Variants in NCKAP5 observed in about 807,000 individuals in gnomAD.
NCKAP5 encodes nck-associated protein 5.
NCKAP5 carries 92 observed loss-of-function variants against 167.0 expected under a neutral mutation model. That is an observed-to-expected ratio of 0.55 (90% CI 0.47 to 0.66). The LOEUF (loss-of-function observed/expected upper bound fraction) is 0.66, where lower values mean the gene tolerates loss of function less well. Ranked by LOEUF, NCKAP5 falls within the 30% of genes least tolerant of loss-of-function variation. NCKAP5 has a pLI of 0.00. For missense variants in NCKAP5, 2,378 were observed against 2,315.0 expected (o/e 1.03, Z -0.56); for synonymous variants, 891 against 877.4 (o/e 1.02, Z -0.27).
chr2:133,447,774 C>T (rs898762141), intron 3 of NCKAP5, among the ~76,000 whole-genome samples: 3 of 152,164 alleles, frequency 2.0e-5, no homozygotes, highest in African/African-American at 7.2e-5. Context: ...GTGTAAGCCA[C>T]TGTGCCCAGC....
rs190761797 is a variant in NCKAP5, at chr2:132,741,557, T to C, written c.5129-9506A>G. The stretch of plus-strand genomic sequence containing the variant: ...AGTTCAAAGTCCTTGTTTATAAGAG[T>C]AGGACACAGAACTCTCCCAACTCCT... On this transcript the variant is annotated intron_variant, in intron 16 of 19. Transcript: ENST00000409261. Among the ~76,000 whole-genome samples the C allele has an allele frequency of 3.3e-5, 5 of 152,102 alleles. No homozygotes were observed. The East Asian group carries it at 9.7e-4, about 29-fold the overall frequency.
intron 10 of NCKAP5, among the ~76,000 whole-genome samples, chr2:132,864,373 G>T (rs912218651): frequency 6.6e-6 from 1 of 151,756 alleles, no homozygotes; most frequent in African/African-American, 2.4e-5. Flanking sequence ...AGGTACAGTG[G>T]TGTTTGGGTT....
At chr2:133,570,511 C>T (rs1227740283), upstream of NCKAP5, among the ~76,000 whole-genome samples, 1 of 152,102 alleles carries the variant, frequency 6.6e-6, no homozygotes, top group African/African-American at 2.4e-5. Context: ...GACACAAGCA[C>T]TAGTTTTCAT....
At chr2:133,019,770 T>C (rs1316115636) in intron 6 of NCKAP5, among the ~76,000 whole-genome samples, 1 of 152,236 alleles carries the variant, frequency 6.6e-6, no homozygotes, top group Non-Finnish European at 1.5e-5. Flanking sequence ...CAGCTAACTA[T>C]AGATAAAAAT....
chr2:133,291,873 C>G (rs1381158366), intron 4 of NCKAP5, among the ~76,000 whole-genome samples: 2 of 152,198 alleles, frequency 1.3e-5, no homozygotes, highest in Non-Finnish European at 2.9e-5. Flanking sequence ...ACCTTGCCAT[C>G]CTTAGCTCTT....
At chr2:132,923,665 C>T (rs1026969611) in intron 8 of NCKAP5, among the ~76,000 whole-genome samples, 1 of 152,022 alleles carries the variant, frequency 6.6e-6, no homozygotes, top group African/African-American at 2.4e-5. Flanking sequence ...ACGAATTGGA[C>T]GCTAAGGATT....
At chr2:132,926,843 T>A (rs1695937802) in intron 8 of NCKAP5, among the ~76,000 whole-genome samples, 1 of 152,280 alleles carries the variant, frequency 6.6e-6, no homozygotes, top group East Asian at 1.9e-4. Context: ...CACTCGTTTA[T>A]TTCCTTTGCT....
At chr2:133,546,446 C>T (rs542056925) in intron 2 of NCKAP5, among the ~76,000 whole-genome samples, 6 of 152,238 alleles carry the variant, frequency 3.9e-5, no homozygotes, top group Non-Finnish European at 7.4e-5. Flanking sequence ...ATAAACCTGC[C>T]GTCCTGCTCA....
chr2:133,302,750 G>C (rs1229733686), intron 4 of NCKAP5, among the ~76,000 whole-genome samples: 1 of 147,976 alleles, frequency 6.8e-6, no homozygotes, highest in Non-Finnish European at 1.5e-5. Flanking sequence ...CCTGCACAAT[G>C]TGCACATGTA....
At position 133,139,408 on chromosome 2, in the gene NCKAP5, G is replaced by A. The variant is rs188001119; in HGVS notation, c.208-9297C>T. 2.6e-5 allele frequency among the ~76,000 whole-genome samples: 4 copies of A among 152,344 alleles called. No homozygotes were observed. In the East Asian group the frequency reaches 7.7e-4, roughly 29 times the overall value. ...TAAGTTTCACTTAATACTGATGAAA[G>A]TGACTGGCATCCTTGTTTTGGATAA... On this transcript the variant is annotated intron_variant, in intron 5 of 19. Coordinates refer to ENST00000409261, the MANE Select transcript of NCKAP5 (RefSeq NM_207363.3).
chr2:133,542,674 T>C (rs534540601), intron 2 of NCKAP5, among the ~76,000 whole-genome samples: 1 of 152,308 alleles, frequency 6.6e-6, no homozygotes, highest in South Asian at 2.1e-4. Flanking sequence ...GTGATCTTCA[T>C]CCCATCACCA....
chr2:133,553,007 TA>T (rs1687474773), intron 2 of NCKAP5, among the ~76,000 whole-genome samples: 1 of 152,138 alleles, frequency 6.6e-6, no homozygotes, highest in Non-Finnish European at 1.5e-5. Context: ...TCATGCACAT[TA>T]AAATATTAGA....
chr2:133,449,168 T>C (rs1481730828), intron 3 of NCKAP5, among the ~76,000 whole-genome samples: 1 of 152,208 alleles, frequency 6.6e-6, no homozygotes, highest in East Asian at 1.9e-4. Flanking sequence ...TCACTTTACA[T>C]TCCTGTTGCC....
intron 3 of NCKAP5, among the ~76,000 whole-genome samples, chr2:133,409,415 G>T (rs1327065029): frequency 6.6e-6 from 1 of 152,172 alleles, no homozygotes; most frequent in East Asian, 1.9e-4. Context: ...AAAACTCTTT[G>T]TAGCAATGCC....
intron 11 of NCKAP5, among the ~76,000 whole-genome samples, chr2:132,820,159 T>G (rs746334589): frequency 6.6e-6 from 1 of 152,116 alleles, no homozygotes; most frequent in Non-Finnish European, 1.5e-5. Context: ...ATGGAGAAAG[T>G]TTTTCAATTT....
chr2:133,247,720 A>G (rs1258358395), intron 4 of NCKAP5, among the ~76,000 whole-genome samples: 1 of 152,218 alleles, frequency 6.6e-6, no homozygotes, highest in Non-Finnish European at 1.5e-5. Flanking sequence ...GGAAGTAGGC[A>G]GCATGAAATC....
At chr2:133,313,167 T>A in intron 3 of NCKAP5, among the ~76,000 whole-genome samples, 1 of 152,094 alleles carries the variant, frequency 6.6e-6, no homozygotes, top group East Asian at 1.9e-4. Context: ...AATGACCCCC[T>A]CCACCGCAGC....
chr2:133,372,102 T>C (rs914281541), intron 3 of NCKAP5, among the ~76,000 whole-genome samples: 1 of 152,190 alleles, frequency 6.6e-6, no homozygotes, highest in Non-Finnish European at 1.5e-5. Context: ...AGCCCTGTTG[T>C]TTCTGGCAAA....
At chr2:133,396,076 T>C (rs1025390635) in intron 3 of NCKAP5, among the ~76,000 whole-genome samples, 1 of 151,942 alleles carries the variant, frequency 6.6e-6, no homozygotes, top group Non-Finnish European at 1.5e-5. Context: ...CACCAACACA[T>C]GTAAAATCCA....
Sources: allele counts gnomAD v4.1 joint callset (sites outside exome capture counted in the v4.1 genomes callset), GRCh38; gene constraint gnomAD v4.1.1; transcripts MANE v1.5; gene names NCBI Gene and HGNC (gene_info 2026-07-23, HGNC 2026-07-21).